The following EBF3 variants were observed in gnomAD, a reference collection of about 807,000 sequenced individuals.
EBF3 encodes transcription factor COE3.
In EBF3, 18 loss-of-function variants were observed where a neutral mutation model predicts 77.1. The ratio of observed to expected loss-of-function variants is 0.23; its 90% CI spans 0.16 to 0.35. EBF3 has a LOEUF of 0.35. Among genes scored for constraint, EBF3 ranks in the 10% least tolerant of loss-of-function variants. The pLI is 1.00. For synonymous variants in EBF3, 350 were observed against 343.5 expected (o/e 1.02, Z -0.21); for missense variants, 558 against 860.0 (o/e 0.65, Z 4.39).
At chr10:129,895,635 C>G (rs117776010) in intron 6 of EBF3, among the ~76,000 whole-genome samples, 1 of 152,124 alleles carries the variant, frequency 6.6e-6, no homozygotes, top group African/African-American at 2.4e-5. Flanking sequence ...TCCTGAGGAC[C>G]CTGGTAGGGG....
intron 6 of EBF3, among the ~76,000 whole-genome samples, chr10:129,950,439 A>G (rs1858589622): frequency 6.6e-6 from 1 of 152,206 alleles, no homozygotes; most frequent in Non-Finnish European, 1.5e-5. Context: ...AAAAACAACT[A>G]AAATAAGAGT....
chr10:129,844,351 T>C (rs548065537), intron 11 of EBF3, among the ~76,000 whole-genome samples: 1 of 152,332 alleles, frequency 6.6e-6, no homozygotes, highest in South Asian at 2.1e-4. Context: ...GGCCTGTGGC[T>C]GTGGCCTTCC....
rs1376130808 is a variant in EBF3, at chr10:129,897,549, A to G, written c.555-19700T>C. 2.0e-5 allele frequency among the ~76,000 whole-genome samples: 3 copies of G among 152,124 alleles called. No individual in the cohort carries two copies. Among genetic ancestry groups the G allele is most frequent in the Middle Eastern group, 3.2e-3 (1 of 316 alleles). On this transcript the variant is annotated intron_variant, in intron 6 of 16. Coordinates refer to ENST00000440978, the MANE Select transcript of EBF3 (RefSeq NM_001375380.1). This position sits in a 1 kb window ranked among gnomAD's most constrained non-coding sequence, Gnocchi z 4.6. ...ATGCAGGAACTTCCTGGGAAAATAC[A>G]GAGGAAACCCAGCACACGACCCTTT...
chr10:129,859,323 G>A (rs748191393), intron 10 of EBF3, among the ~76,000 whole-genome samples: 3 of 152,156 alleles, frequency 2.0e-5, no homozygotes, highest in African/African-American at 7.2e-5. Flanking sequence ...CCGGGTTCAA[G>A]AGATTCTCCC....
At chr10:129,895,816 T>TA (rs935762139) in intron 6 of EBF3, among the ~76,000 whole-genome samples, 5 of 152,304 alleles carry the variant, frequency 3.3e-5, no homozygotes, top group East Asian at 1.9e-4. Flanking sequence ...ACATATTAGT[T>TA]AAAAAAATCC....
chr10:129,879,186 T>TG lies in EBF3; in HGVS notation c.555-1338dup, dbSNP rs961852229. Among the ~76,000 whole-genome samples the TG allele has an allele frequency of 1.3e-5, 2 of 151,846 alleles. No homozygotes were observed. Among genetic ancestry groups the TG allele is most frequent in the East Asian group, 1.9e-4 (1 of 5,182 alleles). On this transcript the variant is annotated intron_variant, in intron 6 of 16. Transcript: ENST00000440978. This position sits in a 1 kb window ranked among gnomAD's most constrained non-coding sequence, Gnocchi z 4.7. Reference sequence around the variant, plus strand: ...TACCACTACCCACAGGAAAAGTGGGTGGGGGGGTTTCTCCCTGTATAACCT... The same window carrying TG: ...TACCACTACCCACAGGAAAAGTGGGTGGGGGGGGTTTCTCCCTGTATAACCT...
Position 129,842,299 on chromosome 10 carries a change from G to T in EBF3, c.1195-6C>A, listed in dbSNP as rs778527926. 6.3e-7 allele frequency: 1 copy of T among 1,575,448 alleles called. No individual in the cohort carries two copies. The highest frequency in any genetic ancestry group is 8.6e-7 in the Non-Finnish European group (1 of 1,158,816). ...GCTCGCTTCAAGATGATCTCCTGCA[G>T]CAGGAGCAAGTGGGAGCCGGCCTGT... On this transcript the variant is annotated splice_region_variant and splice_polypyrimidine_tract_variant and intron_variant, in intron 12 of 16. Coordinates refer to ENST00000440978, the MANE Select transcript of EBF3 (RefSeq NM_001375380.1). This position sits in a 1 kb window ranked among gnomAD's most constrained non-coding sequence, Gnocchi z 4.4.
chr10:129,941,846 G>A (rs1023102406), intron 6 of EBF3, among the ~76,000 whole-genome samples: 1 of 152,086 alleles, frequency 6.6e-6, no homozygotes, highest in African/African-American at 2.4e-5. Context: ...GGCCAAAACT[G>A]CCAAGGGCAG....
chr10:129,873,352 C>T (rs1387757327), intron 8 of EBF3, 100 bp downstream of exon 8: 10 of 1,322,974 alleles, frequency 7.6e-6, no homozygotes, highest in East Asian at 5.6e-5. Context: ...TGACCAAGGG[C>T]GGGGGCCTGG....
intron 6 of EBF3, among the ~76,000 whole-genome samples, chr10:129,928,802 G>A (rs919962515): frequency 2.0e-5 from 3 of 152,202 alleles, no homozygotes; most frequent in Non-Finnish European, 2.9e-5. Flanking sequence ...CCATTGAGAT[G>A]AGCACTGCAA....
At chr10:129,959,273 G>C (rs1859289382) in intron 4 of EBF3, among the ~76,000 whole-genome samples, 1 of 152,050 alleles carries the variant, frequency 6.6e-6, no homozygotes, top group Non-Finnish European at 1.5e-5. Context: ...GGAAGGCGCC[G>C]ACTGGGCTCG....
intron 6 of EBF3, among the ~76,000 whole-genome samples, chr10:129,896,412 G>A (rs891673260): frequency 2.0e-5 from 3 of 152,228 alleles, no homozygotes; most frequent in Non-Finnish European, 4.4e-5. Context: ...TGACAGCTCC[G>A]CTCCCGGCCA....
Position 129,885,398 on chromosome 10 carries a change from C to G in EBF3, c.555-7549G>C, listed in dbSNP as rs930582702. On this transcript the variant is annotated intron_variant, in intron 6 of 16. Coordinates refer to ENST00000440978, the MANE Select transcript of EBF3 (RefSeq NM_001375380.1). The surrounding 1 kb of genome is among the most constrained non-coding windows in gnomAD (Gnocchi z 4.0). ...AAGTACATCCCAGAGCTACAAGCTTCGTCAGCCACCCCACTCCGCCCGCTG... is the reference window on the plus strand; with the variant it reads ...AAGTACATCCCAGAGCTACAAGCTTGGTCAGCCACCCCACTCCGCCCGCTG... Among the ~76,000 whole-genome samples, 9 of 152,318 alleles carry G rather than the reference C, an allele frequency of 5.9e-5. No homozygotes were observed. Among genetic ancestry groups the G allele is most frequent in the African/African-American group, 1.4e-4 (6 of 41,560 alleles).
rs1386261267 is a variant in EBF3, at chr10:129,842,888, G to T, written c.1194+249C>A. ...CGTCCACCCGCCACTGCACACTGCA[G>T]ATGGGTTTCAAGGCTGTGCACTCCC... is the stretch of plus-strand genomic sequence containing the variant. On this transcript the variant is annotated intron_variant, in intron 12 of 16. Transcript: ENST00000440978. This position sits in a 1 kb window ranked among gnomAD's most constrained non-coding sequence, Gnocchi z 4.4. Among the ~76,000 whole-genome samples, 2 of 151,706 alleles carry T rather than the reference G, an allele frequency of 1.3e-5. No homozygotes were observed. Among genetic ancestry groups the T allele is most frequent in the East Asian group, 3.9e-4 (2 of 5,142 alleles).
At chr10:129,850,369 T>G (rs1188861708) in intron 10 of EBF3, among the ~76,000 whole-genome samples, 1 of 152,262 alleles carries the variant, frequency 6.6e-6, no homozygotes, top group Non-Finnish European at 1.5e-5. Flanking sequence ...AATGTTTCAG[T>G]TGAATTGATA....
chr10:129,934,567 A>C (rs925520731), intron 6 of EBF3, among the ~76,000 whole-genome samples: 1 of 152,082 alleles, frequency 6.6e-6, no homozygotes, highest in Non-Finnish European at 1.5e-5. Flanking sequence ...TTGTTTGACT[A>C]TTAGCTCATT....
Position 129,963,586 on chromosome 10 carries a change from G to T in EBF3, c.134+49C>A. The T allele has an allele frequency of 8.0e-7, 1 of 1,252,528 alleles. No individual in the cohort carries two copies. Among genetic ancestry groups the T allele is most frequent in the Non-Finnish European group, 1.0e-6 (1 of 991,576 alleles). 77.6% of individuals were successfully genotyped at this position (1,252,528 alleles called of 1,614,324 possible). A position where few individuals can be genotyped will look rare whatever the true frequency, so the allele number is the denominator to read the frequency against. ...CGGCGCCGGCCGGCGGAGGGGGCCG[G>T]GCCGGGCCGGGGCCGGGGCCAGGGC... On this transcript the variant is annotated intron_variant, in intron 1 of 16. Transcript: ENST00000440978. The surrounding 1 kb of genome is among the most constrained non-coding windows in gnomAD (Gnocchi z 7.1).
rs1850614983 is a variant in EBF3, at chr10:129,848,255, AC to A, written c.1128+136del. ...GGTGCGGGCCCGGGCAGCTCCTCAC[AC>A]CTGTCGGCCCTGTGGTGGGCACAGA... On this transcript the variant is annotated intron_variant, in intron 11 of 16. Coordinates refer to ENST00000440978, the MANE Select transcript of EBF3 (RefSeq NM_001375380.1). This position sits in a 1 kb window ranked among gnomAD's most constrained non-coding sequence, Gnocchi z 4.4. 2 of 914,744 alleles carry A rather than the reference AC, an allele frequency of 2.2e-6. No individual in the cohort carries two copies. The highest frequency in any genetic ancestry group is 3.7e-5 in the Admixed American group (2 of 53,694). 56.7% of individuals were successfully genotyped at this position (914,744 alleles called of 1,614,324 possible).
At chr10:129,872,895 C>T (rs1019214559) in intron 8 of EBF3, among the ~76,000 whole-genome samples, 1 of 151,980 alleles carries the variant, frequency 6.6e-6, no homozygotes, top group African/African-American at 2.4e-5. Context: ...TCTCTTTTAA[C>T]AAACAAAATA....
Sources: gnomAD v4.1 joint callset for allele counts (sites outside exome capture counted in the v4.1 genomes callset) on GRCh38, gnomAD v4.1.1 for gene constraint, Gnocchi (gnomAD v3.1) non-coding constraint, MANE v1.5 for transcripts, NCBI Gene and HGNC (gene_info 2026-07-23, HGNC 2026-07-21) for gene names.